TPRG1: variants seen among roughly 807,000 people sequenced by gnomAD.
TPRG1 encodes tumor protein p63 regulated 1.
Under a neutral mutation model 29.3 loss-of-function variants are expected in TPRG1, and 29 were observed. That is an observed-to-expected ratio of 0.99 (90% CI 0.74 to 1.35). The LOEUF is 1.35. Ranked by LOEUF, TPRG1 falls within the 40% of genes most tolerant of loss-of-function variation. The probability of loss-of-function intolerance (pLI) is 0.00; values close to 1 mark genes in which losing one functional copy is unlikely to be tolerated. For synonymous variants in TPRG1, 130 were observed against 116.8 expected (o/e 1.11, Z -0.73); for missense variants, 327 against 335.0 (o/e 0.98, Z 0.19).
At chr3:189,018,110 T>A (rs1326900010) in intron 3 of TPRG1, among the ~76,000 whole-genome samples, 1 of 152,228 alleles carries the variant, frequency 6.6e-6, no homozygotes, top group Non-Finnish European at 1.5e-5. Flanking sequence ...GTTGAAGTTC[T>A]TTGTAGATTC....
intron 1 of TPRG1, among the ~76,000 whole-genome samples, chr3:189,202,199 G>A (rs568771246): frequency 1.3e-5 from 2 of 152,240 alleles, no homozygotes; most frequent in Admixed American, 6.5e-5. Context: ...TAAAAAAAGC[G>A]GAAAGAATCA....
rs1315866475 is a variant in TPRG1 at position 189,226,807 on chromosome 3, AAAAAAG to A, written c.302+11436_302+11441del. 5.3e-5 allele frequency among the ~76,000 whole-genome samples: 8 copies of A among 151,530 alleles called. 1 individual carries two copies. The highest frequency in any genetic ancestry group is 1.4e-4 in the African/African-American group (6 of 41,480). ...ATCTAGCAAGGCTGACAAAAAAAAA[AAAAAAG>A]AAAAAGAAAAAAGAGGAGACACAAG... On this transcript the variant is annotated intron_variant, in intron 3 of 5. Transcript: ENST00000345063.
At chr3:189,207,056 A>G (rs1560551680) in intron 1 of TPRG1, 2 of 492,226 alleles carry the variant, frequency 4.1e-6, no homozygotes, top group Non-Finnish European at 5.3e-6. Flanking sequence ...ATGCTATGCA[A>G]TTTTGAAGAG....
chr3:189,117,720 CGTT>C (rs1385502470), intron 1 of TPRG1, among the ~76,000 whole-genome samples: 3 of 152,212 alleles, frequency 2.0e-5, no homozygotes, highest in Non-Finnish European at 2.9e-5. Context: ...CATTTACCCT[CGTT>C]GTACTCATTC....
At chr3:189,171,482 A>G (rs552915216), upstream of TPRG1, among the ~76,000 whole-genome samples, 3 of 152,356 alleles carry the variant, frequency 2.0e-5, no homozygotes, top group African/African-American at 4.8e-5. Flanking sequence ...GGAGGGGGAT[A>G]CACACTTACA....
chr3:189,088,667 C>T (rs958866852), intron 4 of TPRG1, among the ~76,000 whole-genome samples: 1 of 151,990 alleles, frequency 6.6e-6, no homozygotes, highest in African/African-American at 2.4e-5. Flanking sequence ...ATATTTTCAC[C>T]CCATTTCCTA....
rs772644963 is a variant in TPRG1, at chr3:189,320,650, G to C, written c.658G>C (p.Val220Leu). 3.0e-5 allele frequency: 49 copies of C among 1,610,618 alleles called. No individual in the cohort carries two copies. Among genetic ancestry groups the C allele is most frequent in the Non-Finnish European group, 3.4e-5 (40 of 1,178,556 alleles). Residue 220 changes from valine (V) to leucine (L), a missense_variant, in exon 6 of 6, where the codon GTT (valine) becomes CTT (leucine). Coordinates refer to ENST00000345063, the MANE Select transcript of TPRG1 (RefSeq NM_198485.4). ...GTTGTCTGGGTTCATGTCTAAGCTT[G>C]TTCCAGCTATCCAGAATGCCCACAA... Reference protein sequence around the residue: ...CKLSGFMSKLVPAIQNAHKNS... With the variant: ...CKLSGFMSKLLPAIQNAHKNS...
chr3:189,165,655 A>T (rs1728077642), intron 5 of TPRG1, among the ~76,000 whole-genome samples: 1 of 152,072 alleles, frequency 6.6e-6, no homozygotes, highest in Non-Finnish European at 1.5e-5. Context: ...ATCCAGGCTG[A>T]TACTGGAGTC....
chr3:189,089,553 A>G (rs6444349), intron 4 of TPRG1, among the ~76,000 whole-genome samples: 14,077 of 152,170 alleles, frequency 0.093, 833 homozygotes, highest in African/African-American at 0.17. Flanking sequence ...GAGAAGTCCA[A>G]TGTCAAGGAA....
chr3:189,141,419 T>G (rs529188285), intron 3 of TPRG1, among the ~76,000 whole-genome samples: 100 of 152,254 alleles, frequency 6.6e-4, no homozygotes, highest in Middle Eastern at 3.4e-3. Context: ...TGCCAGACAC[T>G]GTGTTAGGCA....
chr3:189,264,370 A>C (rs1228572696), intron 4 of TPRG1, among the ~76,000 whole-genome samples: 1 of 152,204 alleles, frequency 6.6e-6, no homozygotes, highest in Non-Finnish European at 1.5e-5. Flanking sequence ...TTATAGACCC[A>C]AGGGAAGGAT....
chr3:189,314,740 T>C (rs1023067790), intron 5 of TPRG1, among the ~76,000 whole-genome samples: 3 of 152,234 alleles, frequency 2.0e-5, no homozygotes, highest in African/African-American at 7.2e-5. Flanking sequence ...TTATATCTAT[T>C]GATTACAATT....
At position 189,303,351 on chromosome 3, in the gene TPRG1, C is replaced by A. The variant is rs188446838; in HGVS notation, c.480-7035C>A. ...CTTCTCTGTGTTATTTAAGTGAAAC[C>A]CAAAGGTTGGTAATCCTCTGCTCTG... On this transcript the variant is annotated intron_variant, in intron 4 of 5. Transcript: ENST00000345063. 5.3e-3 allele frequency among the ~76,000 whole-genome samples: 811 copies of A among 152,114 alleles called. 3 individuals carry two copies. The highest frequency in any genetic ancestry group is 9.5e-3 in the Non-Finnish European group (643 of 67,962).
chr3:189,279,785 G>T (rs1359148191), intron 4 of TPRG1, among the ~76,000 whole-genome samples: 1 of 152,096 alleles, frequency 6.6e-6, no homozygotes, highest in African/African-American at 2.4e-5. Flanking sequence ...TACTAATTCA[G>T]GTTGTTTCTA....
At chr3:189,080,560 G>C (rs76246615) in intron 4 of TPRG1, among the ~76,000 whole-genome samples, 3,660 of 152,266 alleles carry the variant, frequency 0.024, 132 homozygotes, top group African/African-American at 0.08. Flanking sequence ...GAGGAAAAGG[G>C]AAGGGAGAGG....
chr3:189,115,235 A>G (rs1208173441), intron 1 of TPRG1, among the ~76,000 whole-genome samples: 2 of 152,226 alleles, frequency 1.3e-5, no homozygotes, highest in Admixed American at 1.3e-4. Flanking sequence ...ATTATTTCTC[A>G]AATGGATCAG....
chr3:189,136,846 T>C (rs1181936688), intron 3 of TPRG1, among the ~76,000 whole-genome samples: 2 of 152,210 alleles, frequency 1.3e-5, no homozygotes, highest in Non-Finnish European at 2.9e-5. Flanking sequence ...ACAGGATTTA[T>C]AGAGCATTTT....
intron 4 of TPRG1, among the ~76,000 whole-genome samples, chr3:189,248,016 A>G (rs192683521): frequency 1.1e-3 from 166 of 151,678 alleles, no homozygotes; most frequent in African/African-American, 3.8e-3. Context: ...ATGTTAGATA[A>G]TTTTCTTAAA....
intron 1 of TPRG1, among the ~76,000 whole-genome samples, chr3:189,177,838 G>A (rs1239848645): frequency 1.3e-5 from 2 of 152,096 alleles, no homozygotes; most frequent in Admixed American, 6.5e-5. Context: ...TTATCAACAC[G>A]TTAAAACAGA....
Sources: allele counts gnomAD v4.1 joint callset (sites outside exome capture counted in the v4.1 genomes callset), GRCh38; gene constraint gnomAD v4.1.1; transcripts MANE v1.5; gene names NCBI Gene and HGNC (gene_info 2026-07-23, HGNC 2026-07-21).